The following UTRN variants were observed in gnomAD, a reference collection of about 807,000 sequenced individuals.
The protein encoded by UTRN is dystrophin-related protein 1.
In UTRN, 283 loss-of-function variants were observed where a neutral mutation model predicts 463.9. That is an observed-to-expected ratio of 0.61 (90% CI 0.55 to 0.67). The LOEUF is 0.67. Ranked by LOEUF, UTRN falls within the 30% of genes least tolerant of loss-of-function variation. UTRN has a pLI of 0.00. For synonymous variants in UTRN, 1,442 were observed against 1,431.5 expected (o/e 1.01, Z -0.17); for missense variants, 3,922 against 4,084.3 (o/e 0.96, Z 1.08).
At chr6:144,615,289 C>G (rs917387031) in intron 51 of UTRN, among the ~76,000 whole-genome samples, 1 of 152,132 alleles carries the variant, frequency 6.6e-6, no homozygotes, top group African/African-American at 2.4e-5. Flanking sequence ...GCCATAATCA[C>G]TATTAATTCA....
intron 2 of UTRN, among the ~76,000 whole-genome samples, chr6:144,329,175 C>T (rs1012937644): frequency 2.7e-5 from 4 of 150,710 alleles, no homozygotes; most frequent in Admixed American, 6.6e-5. Flanking sequence ...TTCTACCTCT[C>T]GGGTTCAAGC....
At chr6:144,611,147 G>A (rs1482392649) in intron 51 of UTRN, among the ~76,000 whole-genome samples, 4 of 152,138 alleles carry the variant, frequency 2.6e-5, no homozygotes, top group Admixed American at 1.3e-4. Context: ...AGCATTAGAA[G>A]CATTTGACCA....
chr6:144,521,921 G>A (rs1057311339), intron 39 of UTRN, 59 bp from the exon 40 acceptor site: 35 of 1,054,292 alleles, frequency 3.3e-5, no homozygotes, highest in Non-Finnish European at 4.2e-5. Context: ...TATTCATTGT[G>A]GGGGTATTTT....
At chr6:144,303,119 G>C (rs1805433082) in intron 2 of UTRN, among the ~76,000 whole-genome samples, 1 of 152,184 alleles carries the variant, frequency 6.6e-6, no homozygotes, top group Non-Finnish European at 1.5e-5. Flanking sequence ...GGGAGGCAGG[G>C]AACAGGTAAG....
Position 144,514,052 on chromosome 6 carries a change from C to G in UTRN, c.5073+15C>G, listed in dbSNP as rs1021741103. ...AAATTGTGAAGGTAGCAAACACAGACATCAGTAACGCTTTTGGGAGTGGCA... is the reference window on the plus strand; with the variant it reads ...AAATTGTGAAGGTAGCAAACACAGAGATCAGTAACGCTTTTGGGAGTGGCA... On this transcript the variant is annotated intron_variant, in intron 36 of 74. Transcript: ENST00000367545. 1.2e-6 allele frequency: 2 copies of G among 1,613,224 alleles called. No individual in the cohort carries two copies. Among genetic ancestry groups the G allele is most frequent in the African/African-American group, 2.7e-5 (2 of 74,890 alleles).
At chr6:144,737,708 T>C (rs146222998) in intron 54 of UTRN, among the ~76,000 whole-genome samples, 256 of 152,344 alleles carry the variant, frequency 1.7e-3, no homozygotes, top group African/African-American at 5.9e-3. Flanking sequence ...TGTAGAAATT[T>C]TACCAAGTTC....
intron 2 of UTRN, among the ~76,000 whole-genome samples, chr6:144,348,874 T>TGGTGAGCAGAGGTTGC (rs1777837518): frequency 6.6e-6 from 1 of 151,876 alleles, no homozygotes; most frequent in African/African-American, 2.4e-5. Context: ...GCAGAGGTTG[T>TGGTGAGCAGAGGTTGC]GGTGAGCAGA....
intron 51 of UTRN, among the ~76,000 whole-genome samples, chr6:144,633,447 T>C (rs1776759530): frequency 6.6e-6 from 1 of 151,948 alleles, no homozygotes; most frequent in East Asian, 1.9e-4. Context: ...TTAGCCAGAA[T>C]GATCTCGATC....
chr6:144,706,191 G>T (rs1266816006), intron 53 of UTRN, among the ~76,000 whole-genome samples: 1 of 150,244 alleles, frequency 6.7e-6, no homozygotes, highest in African/African-American at 2.4e-5. Flanking sequence ...ATCTCTTATG[G>T]GTGTGTAAGA....
intron 58 of UTRN, chr6:144,758,421 A>T (rs952519877): frequency 6.6e-6 from 1 of 152,582 alleles, no homozygotes; most frequent in Non-Finnish European, 1.5e-5. Context: ...GAAAATCCAT[A>T]TAAAAATGTC....
At chr6:144,794,539 C>A (rs955169966) in intron 63 of UTRN, among the ~76,000 whole-genome samples, 54 of 152,314 alleles carry the variant, frequency 3.5e-4, no homozygotes, top group African/African-American at 1.3e-3. Context: ...TTCTCATACT[C>A]AGTGCAATTA....
chr6:144,612,443 A>G (rs78952311), intron 51 of UTRN, among the ~76,000 whole-genome samples: 1 of 152,134 alleles, frequency 6.6e-6, no homozygotes, highest in Non-Finnish European at 1.5e-5. Flanking sequence ...GGGAGAGAAT[A>G]TTTGCAAACC....
At chr6:144,315,237 A>G (rs1350493811) in intron 2 of UTRN, among the ~76,000 whole-genome samples, 1 of 152,220 alleles carries the variant, frequency 6.6e-6, no homozygotes, top group Admixed American at 6.5e-5. Context: ...TTTCTTAAGA[A>G]AAGACATCTT....
intron 46 of UTRN, among the ~76,000 whole-genome samples, chr6:144,548,147 G>T (rs1160437273): frequency 6.6e-6 from 1 of 152,036 alleles, no homozygotes; most frequent in African/African-American, 2.4e-5. Flanking sequence ...TTCTTTGCAA[G>T]TTTTTTAAAA....
intron 52 of UTRN, among the ~76,000 whole-genome samples, chr6:144,698,670 C>G (rs1784260122): frequency 6.6e-6 from 1 of 152,204 alleles, no homozygotes; most frequent in South Asian, 2.1e-4. Flanking sequence ...CAAATCCAGC[C>G]CACCAGTGGG....
In UTRN at chr6:144,730,432, G is replaced by C. The variant is rs1165363354; in HGVS notation, c.7885G>C (p.Asp2629His). The change falls in exon 54 of 75, where the codon GAT becomes CAT. Residue 2629 changes from aspartate (D) to histidine (H), a missense_variant. By Grantham distance (81) the Asp-to-His change is moderately conservative. Transcript: ENST00000367545. ...AVDQARVFLA[D>H]QPIEAPEEPR... ...CGACCAGGCCCGAGTTTTCTTGGCT[G>C]ATCAGCCAATTGAGGCCCCTGAAGA... 1 of 1,611,452 alleles carries C rather than the reference G, an allele frequency of 6.2e-7. No homozygotes were observed. The highest frequency in any genetic ancestry group is 8.5e-7 in the Non-Finnish European group (1 of 1,178,660).
At chr6:144,725,149 G>A (rs1787726061) in intron 53 of UTRN, among the ~76,000 whole-genome samples, 1 of 152,170 alleles carries the variant, frequency 6.6e-6, no homozygotes, top group Admixed American at 6.5e-5. Context: ...TTTTTCCCAT[G>A]CTGTTTTTGT....
chr6:144,774,231 G>T, intron 59 of UTRN, 59 bp from the exon 60 acceptor site: 1 of 1,425,194 alleles, frequency 7.0e-7, no homozygotes, highest in Admixed American at 2.2e-5. Flanking sequence ...TACATTCTGG[G>T]CATTCAATAT....
chr6:144,359,695 T>C (rs1475345394), intron 2 of UTRN, among the ~76,000 whole-genome samples: 1 of 152,004 alleles, frequency 6.6e-6, no homozygotes, highest in Non-Finnish European at 1.5e-5. Context: ...TTGAAGATTC[T>C]GGTAAAAACC....
Sources: allele counts gnomAD v4.1 joint callset (sites outside exome capture counted in the v4.1 genomes callset), GRCh38; gene constraint gnomAD v4.1.1; transcripts MANE v1.5; gene names NCBI Gene and HGNC (gene_info 2026-07-23, HGNC 2026-07-21).